Variants in PTPN4 observed in about 807,000 individuals in gnomAD.
The protein encoded by PTPN4 is tyrosine-protein phosphatase non-receptor type 4.
PTPN4 carries 49 observed loss-of-function variants against 135.5 expected under a neutral mutation model. That is an observed-to-expected ratio of 0.36 (90% CI 0.29 to 0.46). The LOEUF (loss-of-function observed/expected upper bound fraction) is 0.46, where lower values mean the gene tolerates loss of function less well. PTPN4 is among the 20% of genes least tolerant of loss of function. PTPN4 has a pLI of 1.00. For missense variants in PTPN4, 860 were observed against 1,101.0 expected, an observed-to-expected ratio of 0.78 and a Z score of 3.10; for synonymous variants, 333 against 369.9, an observed-to-expected ratio of 0.90 and a Z score of 1.14.
intron 2 of PTPN4, among the ~76,000 whole-genome samples, chr2:119,849,673 G>A (rs546860488): frequency 7.2e-5 from 11 of 152,124 alleles, no homozygotes; most frequent in East Asian, 1.9e-4. Flanking sequence ...AAGGCTTGTC[G>A]TTATTGTTTA....
chr2:119,895,337 A>G (rs1165881306), intron 9 of PTPN4, among the ~76,000 whole-genome samples: 5 of 152,222 alleles, frequency 3.3e-5, no homozygotes, highest in Admixed American at 1.3e-4. Context: ...AGAACATTTA[A>G]GTACCCTAGG....
At chr2:119,767,297 T>G (rs1340961757) in intron 1 of PTPN4, among the ~76,000 whole-genome samples, 1 of 152,248 alleles carries the variant, frequency 6.6e-6, no homozygotes, top group Non-Finnish European at 1.5e-5. Context: ...TTAATCCTTA[T>G]TTCTCCATTT....
At chr2:119,807,361 T>A (rs1691492505) in intron 1 of PTPN4, among the ~76,000 whole-genome samples, 1 of 151,594 alleles carries the variant, frequency 6.6e-6, no homozygotes, top group Non-Finnish European at 1.5e-5. Flanking sequence ...GAGGGAAGAA[T>A]CGAATAGACG....
At chr2:119,828,383 C>T (rs1677175425) in intron 2 of PTPN4, among the ~76,000 whole-genome samples, 1 of 152,202 alleles carries the variant, frequency 6.6e-6, no homozygotes, top group African/African-American at 2.4e-5. Flanking sequence ...TTTGTCTTAG[C>T]ATTGTGGTGT....
intron 13 of PTPN4, among the ~76,000 whole-genome samples, chr2:119,927,336 C>T (rs764970480): frequency 4.1e-5 from 6 of 144,646 alleles, no homozygotes; most frequent in Non-Finnish European, 3.1e-5. Flanking sequence ...GTCTCGAACT[C>T]GTGACCTCAG....
chr2:119,884,169 A>G (rs1330671977), intron 8 of PTPN4, among the ~76,000 whole-genome samples: 1 of 152,250 alleles, frequency 6.6e-6, no homozygotes, highest in Non-Finnish European at 1.5e-5. Context: ...AAGTGCTGGG[A>G]TTACAGGCGT....
intron 10 of PTPN4, among the ~76,000 whole-genome samples, chr2:119,902,249 G>A (rs1678415631): frequency 6.6e-6 from 1 of 152,140 alleles, no homozygotes; most frequent in Non-Finnish European, 1.5e-5. Context: ...AACCATGTAA[G>A]CAAGAAGAAA....
At chr2:119,970,775 T>A (rs974936153) in intron 26 of PTPN4, among the ~76,000 whole-genome samples, 1 of 152,272 alleles carries the variant, frequency 6.6e-6, no homozygotes, top group Non-Finnish European at 1.5e-5. Flanking sequence ...CATGAATTTT[T>A]ATGTGAACAT....
intron 2 of PTPN4, among the ~76,000 whole-genome samples, chr2:119,847,779 C>T (rs1022376137): frequency 6.6e-6 from 1 of 152,154 alleles, no homozygotes; most frequent in Non-Finnish European, 1.5e-5. Context: ...AACAAATACT[C>T]TCAGTATTCA....
chr2:119,873,169 GTT>G (rs113550051), intron 3 of PTPN4, among the ~76,000 whole-genome samples: 1 of 145,120 alleles, frequency 6.9e-6, no homozygotes, highest in Non-Finnish European at 1.5e-5. Flanking sequence ...TTTTTTCTGG[GTT>G]TTTTTTTTTT....
intron 1 of PTPN4, among the ~76,000 whole-genome samples, chr2:119,808,094 T>A (rs556354813): frequency 6.6e-6 from 1 of 152,254 alleles, no homozygotes; most frequent in Non-Finnish European, 1.5e-5. Flanking sequence ...TAAGAGCTAT[T>A]TATGACAAAC....
intron 1 of PTPN4, among the ~76,000 whole-genome samples, chr2:119,787,026 ATGG>A (rs1691059176): frequency 6.6e-6 from 1 of 152,176 alleles, no homozygotes; most frequent in Non-Finnish European, 1.5e-5. Context: ...ATATGGGACA[ATGG>A]TGGGAGAGAT....
intron 1 of PTPN4, among the ~76,000 whole-genome samples, chr2:119,806,097 A>G (rs1247532399): frequency 1.3e-5 from 2 of 152,170 alleles, no homozygotes; most frequent in African/African-American, 4.8e-5. Flanking sequence ...ATGGAAAGGA[A>G]CAACTGGTAC....
chr2:119,893,055 A>C (rs1333531023), intron 9 of PTPN4, among the ~76,000 whole-genome samples: 1 of 152,106 alleles, frequency 6.6e-6, no homozygotes, highest in Non-Finnish European at 1.5e-5. Flanking sequence ...TTTGGCTTTT[A>C]ATTATAATCA....
At chr2:119,910,681 A>G (rs1463005919) in intron 10 of PTPN4, among the ~76,000 whole-genome samples, 2 of 152,012 alleles carry the variant, frequency 1.3e-5, no homozygotes, top group Non-Finnish European at 2.9e-5. Flanking sequence ...GAGTCTCATG[A>G]TATCTGTTGG....
intron 2 of PTPN4, among the ~76,000 whole-genome samples, chr2:119,832,899 T>C (rs1677239675): frequency 6.6e-6 from 1 of 152,208 alleles, no homozygotes; most frequent in African/African-American, 2.4e-5. Flanking sequence ...CCCTGCCTTC[T>C]CATTCTTTGG....
At chr2:119,941,412 A>AGTGT (rs3084705) in intron 15 of PTPN4, among the ~76,000 whole-genome samples, 86,654 of 148,702 alleles carry the variant, frequency 0.58, 26,101 homozygotes, top group East Asian at 0.75. Context: ...TAGACTTCAG[A>AGTGT]GTGTGTGTGT....
At chr2:119,903,085 CTG>C (rs1481035633) in intron 10 of PTPN4, among the ~76,000 whole-genome samples, 1 of 152,184 alleles carries the variant, frequency 6.6e-6, no homozygotes. Context: ...GTCCTCGAGA[CTG>C]TATCTCGTGC....
At chr2:119,825,853 C>T (rs1028960942) in intron 2 of PTPN4, among the ~76,000 whole-genome samples, 6 of 152,252 alleles carry the variant, frequency 3.9e-5, no homozygotes, top group African/African-American at 1.4e-4. Flanking sequence ...CATCTGCTAT[C>T]AATTGGATGG....
Sources: gnomAD v4.1 joint callset for allele counts (sites outside exome capture counted in the v4.1 genomes callset) on GRCh38, gnomAD v4.1.1 for gene constraint, MANE v1.5 for transcripts, NCBI Gene and HGNC (gene_info 2026-07-23, HGNC 2026-07-21) for gene names.